HHAT: variants seen among roughly 807,000 people sequenced by gnomAD.
HHAT encodes hedgehog acyltransferase.
A neutral mutation model predicts 70.8 loss-of-function variants in HHAT; 47 were observed. The ratio of observed to expected loss-of-function variants is 0.66; its 90% CI spans 0.53 to 0.85. HHAT has a LOEUF of 0.85. HHAT is among the 40% of genes least tolerant of loss of function. The pLI is 0.00. For synonymous variants in HHAT, 228 were observed against 247.6 expected, an observed-to-expected ratio of 0.92 and a Z score of 0.74; for missense variants, 609 against 604.8, an observed-to-expected ratio of 1.01 and a Z score of -0.07.
chr1:210,616,975 G>C (rs1216409770), intron 10 of HHAT, among the ~76,000 whole-genome samples: 3 of 152,200 alleles, frequency 2.0e-5, no homozygotes, highest in Admixed American at 6.5e-5. Flanking sequence ...GACTTTGCTA[G>C]GATTGGGATG....
chr1:210,586,857 A>G (rs552642085), intron 9 of HHAT, among the ~76,000 whole-genome samples: 7 of 152,364 alleles, frequency 4.6e-5, no homozygotes, highest in Admixed American at 2.6e-4. Flanking sequence ...TACTGATTGA[A>G]GAACATAGTA....
chr1:210,491,748 T>C (rs151076893), intron 8 of HHAT, among the ~76,000 whole-genome samples: 258 of 152,150 alleles, frequency 1.7e-3, no homozygotes, highest in Non-Finnish European at 3.3e-3. Flanking sequence ...CCATATTTCT[T>C]TGTCTGTATT....
intron 8 of HHAT, among the ~76,000 whole-genome samples, chr1:210,482,970 A>G (rs930556126): frequency 1.2e-4 from 18 of 152,140 alleles, no homozygotes; most frequent in African/African-American, 4.1e-4. Context: ...AAAGCCAGAG[A>G]TTATTTTCCA....
At chr1:210,462,868 G>C (rs2094008114) in intron 7 of HHAT, 6 of 152,186 alleles carry the variant, frequency 3.9e-5, no homozygotes, top group Admixed American at 3.3e-4. Context: ...AAGGAGGTCA[G>C]ACAGTGGTAT....
intron 3 of HHAT, among the ~76,000 whole-genome samples, chr1:210,378,583 A>T (rs1461161621): frequency 6.6e-6 from 1 of 152,208 alleles, no homozygotes; most frequent in Non-Finnish European, 1.5e-5. Context: ...TTTTTGGAGT[A>T]CATGTGATAC....
chr1:210,398,294 GC>G (rs1486954174), intron 4 of HHAT, among the ~76,000 whole-genome samples: 2 of 152,262 alleles, frequency 1.3e-5, no homozygotes, highest in Admixed American at 1.3e-4. Context: ...TAGTAGAGTT[GC>G]TTGTACTTGG....
intron 1 of HHAT, 173 bp downstream of exon 1, chr1:210,329,277 A>C (rs996669774): frequency 2.5e-6 from 3 of 1,223,710 alleles, no homozygotes; most frequent in Non-Finnish European, 3.1e-6. Context: ...GAAGAAGACA[A>C]AAGCGGCGGG....
intron 9 of HHAT, among the ~76,000 whole-genome samples, chr1:210,514,944 A>T (rs1488579347): frequency 6.6e-6 from 1 of 152,054 alleles, no homozygotes; most frequent in Admixed American, 6.5e-5. Context: ...CATTCCTCCT[A>T]TGTTGGGTCT....
At chr1:210,329,778 G>A (rs1289466395) in intron 1 of HHAT, among the ~76,000 whole-genome samples, 2 of 152,102 alleles carry the variant, frequency 1.3e-5, no homozygotes, top group African/African-American at 4.8e-5. Context: ...GCGGAGTTTC[G>A]CTCTGGTCGC....
intron 8 of HHAT, among the ~76,000 whole-genome samples, chr1:210,505,146 G>A (rs944178648): frequency 2.0e-5 from 3 of 152,068 alleles, no homozygotes; most frequent in Non-Finnish European, 2.9e-5. Context: ...TGATACACCC[G>A]CCTCGGCCTC....
intron 11 of HHAT, among the ~76,000 whole-genome samples, chr1:210,624,920 G>A (rs2148877655): frequency 6.6e-6 from 1 of 152,284 alleles, no homozygotes; most frequent in South Asian, 2.1e-4. Context: ...TGCACAGCTG[G>A]CCCATTATCT....
At chr1:210,354,718 A>G (rs1373277396) in intron 2 of HHAT, among the ~76,000 whole-genome samples, 1 of 152,082 alleles carries the variant, frequency 6.6e-6, no homozygotes, top group Admixed American at 6.5e-5. Flanking sequence ...TTCTTACATC[A>G]ATACTGTGCC....
chr1:210,534,971 C>T (rs2095355403), intron 9 of HHAT, among the ~76,000 whole-genome samples: 1 of 152,158 alleles, frequency 6.6e-6, no homozygotes, highest in Non-Finnish European at 1.5e-5. Flanking sequence ...AATGGGAGTA[C>T]TGCTAGCAGG....
At chr1:210,462,194 A>G (rs1317241585) in intron 7 of HHAT, among the ~76,000 whole-genome samples, 1 of 152,228 alleles carries the variant, frequency 6.6e-6, no homozygotes, top group African/African-American at 2.4e-5. Context: ...TCCTGTTAGC[A>G]GGGAGAAGTC....
intron 11 of HHAT, among the ~76,000 whole-genome samples, chr1:210,662,606 T>TG (rs1677979247): frequency 6.6e-6 from 1 of 152,100 alleles, no homozygotes; most frequent in Non-Finnish European, 1.5e-5. Context: ...ACCACTGCAG[T>TG]GGACAGTTTT....
chr1:210,616,939 T>A (rs1156301242), intron 10 of HHAT, among the ~76,000 whole-genome samples: 1 of 152,248 alleles, frequency 6.6e-6, no homozygotes, highest in Non-Finnish European at 1.5e-5. Flanking sequence ...GCCCATGGGT[T>A]ATAGAAACAC....
Position 210,421,774 on chromosome 1 carries a change from T to A in HHAT, c.856+3449T>A, listed in dbSNP as rs368162782. Among the ~76,000 whole-genome samples, 83 of 152,300 alleles carry A rather than the reference T, an allele frequency of 5.4e-4. 1 individual carries two copies. In the East Asian group the frequency reaches 0.014, roughly 27 times the overall value. On this transcript the variant is annotated intron_variant, in intron 7 of 11. Coordinates refer to ENST00000261458, the MANE Select transcript of HHAT (RefSeq NM_018194.6). ...ATATAATTTCTAATGAAATAACTGT[T>A]AACTTTTGCCCATTTTTCTAATGGG...
intron 10 of HHAT, among the ~76,000 whole-genome samples, chr1:210,596,738 C>G (rs528533868): frequency 3.6e-4 from 55 of 152,178 alleles, no homozygotes; most frequent in African/African-American, 1.3e-3. Context: ...TCTTGAACTT[C>G]ATTTAGTTTC....
intron 7 of HHAT, among the ~76,000 whole-genome samples, chr1:210,454,323 G>A (rs933907566): frequency 6.6e-6 from 1 of 152,210 alleles, no homozygotes. Flanking sequence ...GGAGGCCGAG[G>A]TGGGCAGATC....
Sources: gnomAD v4.1 joint callset for allele counts (sites outside exome capture counted in the v4.1 genomes callset) on GRCh38, gnomAD v4.1.1 for gene constraint, MANE v1.5 for transcripts, NCBI Gene and HGNC (gene_info 2026-07-23, HGNC 2026-07-21) for gene names.